Variants in NOSTRIN observed in about 807,000 individuals in gnomAD.
NOSTRIN encodes BM247 homolog.
NOSTRIN carries 63 observed loss-of-function variants against 59.0 expected under a neutral mutation model. The observed-to-expected ratio is 1.07, with a 90% confidence interval of 0.87 to 1.32. NOSTRIN has a LOEUF of 1.32. Ranked by LOEUF, NOSTRIN falls within the 40% of genes most tolerant of loss-of-function variation. The pLI, the probability that NOSTRIN is intolerant of heterozygous loss-of-function variation, is 0.00. For synonymous variants in NOSTRIN, 200 were observed against 165.4 expected (o/e 1.21, Z -1.61); for missense variants, 512 against 473.1 (o/e 1.08, Z -0.76).
intron 6 of NOSTRIN, among the ~76,000 whole-genome samples, chr2:168,832,206 G>A (rs966532201): frequency 2.2e-4 from 34 of 151,952 alleles, no homozygotes; most frequent in African/African-American, 8.0e-4. Flanking sequence ...TTGGCTAGAT[G>A]ACGTGTGCAG....
chr2:168,859,773 A>G lies in NOSTRIN; in HGVS notation c.1179+136A>G, dbSNP rs1373196175. On this transcript the variant is annotated intron_variant, in intron 13 of 15. Transcript: ENST00000317647. ...TTCATGCAGTTAGTTAAGAAGATAA[A>G]TGTTTTTATTTTTCTTTTGAGCACA... is the stretch of plus-strand genomic sequence containing the variant. 8 of 1,207,848 alleles carry G rather than the reference A, an allele frequency of 6.6e-6. No individual in the cohort carries two copies. In the African/African-American group the frequency reaches 1.2e-4, roughly 19 times the overall value. 74.8% of individuals were successfully genotyped at this position (1,207,848 alleles called of 1,614,324 possible). A position where few individuals can be genotyped will look rare whatever the true frequency, so the allele number is the denominator to read the frequency against.
At chr2:168,811,502 C>G in intron 1 of NOSTRIN, 65 bp from the exon 2 acceptor site, 8 of 625,824 alleles carry the variant, frequency 1.3e-5, no homozygotes, top group Non-Finnish European at 2.3e-5. Flanking sequence ...TATAGGTGCT[C>G]TATCTTCGGA....
chr2:168,849,917 C>T (rs1349255833), intron 8 of NOSTRIN, among the ~76,000 whole-genome samples: 6 of 33,084 alleles, frequency 1.8e-4, no homozygotes, highest in Admixed American at 1.6e-3. Flanking sequence ...AACATTTTCT[C>T]ATTTTTTTTT....
intron 1 of NOSTRIN, among the ~76,000 whole-genome samples, chr2:168,803,593 G>A (rs778668695): frequency 7.9e-5 from 12 of 152,140 alleles, no homozygotes; most frequent in Non-Finnish European, 1.5e-4. Flanking sequence ...TGGAAAAAAT[G>A]GAACTATAGT....
chr2:168,849,923 T>TTTTG (rs1559135680), intron 8 of NOSTRIN, among the ~76,000 whole-genome samples: 464 of 24,642 alleles, frequency 0.019, 5 homozygotes, highest in African/African-American at 0.071. Context: ...TTCTCATTTT[T>TTTTG]TTTTTTTTTT....
chr2:168,792,764 T>C (rs1052627823), intron 2 of NOSTRIN, among the ~76,000 whole-genome samples: 7 of 152,128 alleles, frequency 4.6e-5, no homozygotes, highest in African/African-American at 1.4e-4. Context: ...ATAGCCAGCA[T>C]ACCTGGCCAT....
At chr2:168,828,322 G>A (rs1687167033) in intron 4 of NOSTRIN, 98 bp from the exon 5 acceptor site, 2 of 865,190 alleles carry the variant, frequency 2.3e-6, no homozygotes, top group Non-Finnish European at 4.0e-6. Flanking sequence ...CTGAATAGGT[G>A]TTCCATAACA....
At chr2:168,833,816 C>G (rs952101432) in intron 6 of NOSTRIN, among the ~76,000 whole-genome samples, 3 of 151,956 alleles carry the variant, frequency 2.0e-5, no homozygotes, top group African/African-American at 7.3e-5. Context: ...AAAACAATCT[C>G]AAATCGTGGC....
intron 13 of NOSTRIN, among the ~76,000 whole-genome samples, chr2:168,860,023 A>G (rs938163498): frequency 6.6e-6 from 1 of 152,198 alleles, no homozygotes; most frequent in African/African-American, 2.4e-5. Flanking sequence ...ATGGTGCCTA[A>G]TGCAGATAAT....
At chr2:168,795,146 G>C (rs544540552), upstream of NOSTRIN, among the ~76,000 whole-genome samples, 6 of 152,256 alleles carry the variant, frequency 3.9e-5, no homozygotes, top group East Asian at 1.2e-3. Context: ...AAAGTGTAGA[G>C]GGGACCAAGG....
rs1160401333 is a variant in NOSTRIN, at chr2:168,860,798, C to T, written c.1183C>T (p.His395Tyr). 1.8e-5 allele frequency: 28 copies of T among 1,579,706 alleles called. No homozygotes were observed. The highest frequency in any genetic ancestry group is 2.4e-5 in the Non-Finnish European group (28 of 1,148,748). Residue 395 changes from histidine (H) to tyrosine (Y), a missense_variant, in exon 14 of 16, where the codon CAT becomes TAT. Transcript: ENST00000317647. ...ACTTTTTATGTCATTTGAACAGGAGCATACTCATAGCTATGTGAAAATATC... is the reference window on the plus strand; with the variant it reads ...ACTTTTTATGTCATTTGAACAGGAGTATACTCATAGCTATGTGAAAATATC... ...NSIFRWREKEHTHSYVKISRP... is the reference protein window; with the variant it reads ...NSIFRWREKEYTHSYVKISRP...
At chr2:168,789,789 A>G (rs78828757) in intron 2 of NOSTRIN, among the ~76,000 whole-genome samples, 2,512 of 152,348 alleles carry the variant, frequency 0.016, 37 homozygotes, top group Middle Eastern at 0.048. Context: ...AGTAGCTGGT[A>G]CAAACTGAAA....
At chr2:168,818,553 A>G (rs1395960515) in intron 2 of NOSTRIN, among the ~76,000 whole-genome samples, 3 of 152,262 alleles carry the variant, frequency 2.0e-5, no homozygotes, top group Non-Finnish European at 4.4e-5. Context: ...AAAGCAGGAT[A>G]GTCTAATATT....
At chr2:168,798,813 C>CGATCGATCGATAGATA (rs57620905), upstream of NOSTRIN, among the ~76,000 whole-genome samples, 4 of 149,346 alleles carry the variant, frequency 2.7e-5, no homozygotes, top group African/African-American at 9.8e-5. Flanking sequence ...ATCGATCGAT[C>CGATCGATCGATAGATA]GATAGATAGA....
At chr2:168,792,126 G>A (rs1485024266) in intron 2 of NOSTRIN, among the ~76,000 whole-genome samples, 1 of 152,062 alleles carries the variant, frequency 6.6e-6, no homozygotes, top group African/African-American at 2.4e-5. Context: ...GGTCTAACAT[G>A]TAAGTCTTTA....
chr2:168,832,236 A>G (rs1687407312), intron 6 of NOSTRIN, among the ~76,000 whole-genome samples: 1 of 152,206 alleles, frequency 6.6e-6, no homozygotes, highest in Non-Finnish European at 1.5e-5. Flanking sequence ...AATACATTCT[A>G]GGAGGAATTA....
At chr2:168,795,035 A>G (rs1685446356), upstream of NOSTRIN, among the ~76,000 whole-genome samples, 1 of 152,260 alleles carries the variant, frequency 6.6e-6, no homozygotes, top group Non-Finnish European at 1.5e-5. Context: ...GGAAAAAATC[A>G]CAATAAATAA....
rs751206157 is a variant in NOSTRIN, at chr2:168,851,307, G to T, written c.758G>T (p.Ser253Ile). The change falls in exon 10 of 16, where the codon AGC becomes ATC. Residue 253 changes from serine to isoleucine, a missense_variant. By Grantham distance (142) the Ser-to-Ile change is moderately radical. Coordinates refer to ENST00000317647, the MANE Select transcript of NOSTRIN (RefSeq NM_001039724.4). ...TCHTQIHCAI[S>I]KIDIEKDIQA... Reference sequence around the variant, plus strand: ...CACACGCAGATTCACTGTGCCATCAGCAAGATTGACATTGAAAAAGATATC... The same window carrying T: ...CACACGCAGATTCACTGTGCCATCATCAAGATTGACATTGAAAAAGATATC... 3 of 1,613,786 alleles carry T rather than the reference G, an allele frequency of 1.9e-6. No homozygotes were observed. Among genetic ancestry groups the T allele is most frequent in the Admixed American group, 3.3e-5 (2 of 59,970 alleles).
At chr2:168,852,563 C>T (rs549779562) in intron 10 of NOSTRIN, among the ~76,000 whole-genome samples, 5 of 152,296 alleles carry the variant, frequency 3.3e-5, no homozygotes, top group African/African-American at 4.8e-5. Context: ...TTCAGGATTT[C>T]AAGCTCCAGA....
Sources: gnomAD v4.1 joint callset for allele counts (sites outside exome capture counted in the v4.1 genomes callset) on GRCh38, gnomAD v4.1.1 for gene constraint, MANE v1.5 for transcripts, NCBI Gene and HGNC (gene_info 2026-07-23, HGNC 2026-07-21) for gene names.